Variants in MACROD2 observed in about 807,000 individuals in gnomAD.
The protein encoded by MACROD2 is mono-ADP ribosylhydrolase 2, also known as ADP-ribose glycohydrolase MACROD2.
Under a neutral mutation model 70.4 loss-of-function variants are expected in MACROD2, and 36 were observed. That is an observed-to-expected ratio of 0.51 (90% confidence interval 0.39 to 0.68). The LOEUF (loss-of-function observed/expected upper bound fraction) is 0.68. Ranked by LOEUF, MACROD2 falls within the 30% of genes least tolerant of loss-of-function variation. The probability of loss-of-function intolerance (pLI) is 0.00; values close to 1 mark genes in which losing one functional copy is unlikely to be tolerated. For missense variants in MACROD2, 496 were observed against 538.4 expected (o/e 0.92, Z 0.78); for synonymous variants, 172 against 178.8 (o/e 0.96, Z 0.30).
intron 6 of MACROD2, among the ~76,000 whole-genome samples, chr20:15,342,530 A>G (rs762441789): frequency 5.9e-5 from 9 of 152,186 alleles, no homozygotes; most frequent in Admixed American, 2.0e-4. Flanking sequence ...AAACTTTAAA[A>G]TCACGGACAA....
chr20:14,633,640 A>G (rs1984632678), intron 4 of MACROD2, among the ~76,000 whole-genome samples: 1 of 152,120 alleles, frequency 6.6e-6, no homozygotes, highest in Non-Finnish European at 1.5e-5. Context: ...TTCTCCTTTT[A>G]GAGTCACCAT....
chr20:15,886,428 A>G (rs73898576), intron 10 of MACROD2, among the ~76,000 whole-genome samples: 4,030 of 152,246 alleles, frequency 0.026, 174 homozygotes, highest in African/African-American at 0.091. Flanking sequence ...CATGTAATTC[A>G]TTCTTTGGAA....
intron 3 of MACROD2, among the ~76,000 whole-genome samples, chr20:14,155,831 A>T (rs1400199531): frequency 6.6e-6 from 1 of 152,190 alleles, no homozygotes; most frequent in Non-Finnish European, 1.5e-5. Flanking sequence ...TGTTATCTTA[A>T]TATTTAATTA....
intron 4 of MACROD2, among the ~76,000 whole-genome samples, chr20:14,505,776 A>G (rs1420304325): frequency 1.3e-5 from 2 of 152,174 alleles, no homozygotes; most frequent in Non-Finnish European, 2.9e-5. Flanking sequence ...GCTCTAAATA[A>G]AAGTGAATAA....
chr20:14,011,947 C>T (rs190608063), intron 2 of MACROD2, among the ~76,000 whole-genome samples: 5 of 152,126 alleles, frequency 3.3e-5, no homozygotes, highest in Admixed American at 6.5e-5. Flanking sequence ...CTCGCTCTGT[C>T]GCCCAGGCTG....
intron 8 of MACROD2, among the ~76,000 whole-genome samples, chr20:15,801,398 A>G (rs2063725148): frequency 1.3e-5 from 2 of 151,792 alleles, no homozygotes; most frequent in South Asian, 4.2e-4. Flanking sequence ...TAGCCAATGC[A>G]GGGTTCTTCT....
At chr20:15,957,550 G>A (rs768810222) in intron 12 of MACROD2, among the ~76,000 whole-genome samples, 13 of 152,096 alleles carry the variant, frequency 8.5e-5, no homozygotes, top group Admixed American at 3.9e-4. Flanking sequence ...CCTGCTCAAT[G>A]CCATCCTCTC....
At chr20:14,717,670 T>C (rs2071412208) in intron 5 of MACROD2, among the ~76,000 whole-genome samples, 2 of 152,034 alleles carry the variant, frequency 1.3e-5, no homozygotes, top group African/African-American at 4.8e-5. Flanking sequence ...AATAAGGTGA[T>C]ATGCAAGTGA....
chr20:15,602,950 A>T (rs1055411498), intron 8 of MACROD2, among the ~76,000 whole-genome samples: 1 of 152,128 alleles, frequency 6.6e-6, no homozygotes, highest in African/African-American at 2.4e-5. Context: ...TTAAAAAAAA[A>T]AATCTATCCT....
chr20:14,074,505 A>G (rs1157547711), intron 2 of MACROD2, among the ~76,000 whole-genome samples: 1 of 152,200 alleles, frequency 6.6e-6, no homozygotes, highest in African/African-American at 2.4e-5. Context: ...AGATATTCAT[A>G]CTTAAGATTC....
chr20:14,108,292 TG>T (rs2054399201), intron 3 of MACROD2, among the ~76,000 whole-genome samples: 1 of 151,608 alleles, frequency 6.6e-6, no homozygotes, highest in African/African-American at 2.4e-5. Context: ...AATTAAATCA[TG>T]CTATCAGATA....
chr20:14,997,907 A>C (rs1290624560), intron 5 of MACROD2, among the ~76,000 whole-genome samples: 1 of 152,084 alleles, frequency 6.6e-6, no homozygotes, highest in Non-Finnish European at 1.5e-5. Context: ...GGAGAGAGAG[A>C]CTCCATTTAT....
At chr20:15,043,306 C>G (rs1440920998) in intron 5 of MACROD2, among the ~76,000 whole-genome samples, 1 of 152,224 alleles carries the variant, frequency 6.6e-6, no homozygotes, top group Non-Finnish European at 1.5e-5. Flanking sequence ...AACTCAGTGC[C>G]TGCATTCTTG....
intron 8 of MACROD2, among the ~76,000 whole-genome samples, chr20:15,820,100 G>A (rs1334381171): frequency 1.3e-5 from 2 of 151,934 alleles, no homozygotes; most frequent in Non-Finnish European, 2.9e-5. Flanking sequence ...TATCCTAGGA[G>A]AAGCGACACT....
chr20:14,712,358 A>G (rs932870353), intron 5 of MACROD2, among the ~76,000 whole-genome samples: 2 of 152,194 alleles, frequency 1.3e-5, no homozygotes, highest in Admixed American at 6.5e-5. Flanking sequence ...AACAGCCAAC[A>G]GCAGTGCTCA....
chr20:15,663,009 G>T (rs6110711), intron 8 of MACROD2, among the ~76,000 whole-genome samples: 2,743 of 151,790 alleles, frequency 0.018, 88 homozygotes, highest in African/African-American at 0.063. Context: ...ATTAATGTAT[G>T]GTTTATAAAT....
At chr20:15,223,353 A>G (rs1181040451) in intron 5 of MACROD2, among the ~76,000 whole-genome samples, 1 of 152,224 alleles carries the variant, frequency 6.6e-6, no homozygotes, top group Non-Finnish European at 1.5e-5. Flanking sequence ...TGGACACTTT[A>G]GGGAAATAAC....
intron 3 of MACROD2, among the ~76,000 whole-genome samples, chr20:14,107,245 G>A (rs940389420): frequency 1.3e-5 from 2 of 152,110 alleles, no homozygotes; most frequent in African/African-American, 2.4e-5. Flanking sequence ...AAAAATGCAA[G>A]CAACATATTG....
intron 5 of MACROD2, among the ~76,000 whole-genome samples, chr20:14,853,173 CTG>C (rs147348353): frequency 0.2 from 30,213 of 149,134 alleles, 3,208 homozygotes; most frequent in African/African-American, 0.26. Context: ...GTGTGTGTGT[CTG>C]TGTGTGTGTG....
Sources: allele counts gnomAD v4.1 joint callset (sites outside exome capture counted in the v4.1 genomes callset), GRCh38; gene constraint gnomAD v4.1.1; transcripts MANE v1.5; gene names NCBI Gene and HGNC (gene_info 2026-07-23, HGNC 2026-07-21).